ROBO2: variants seen among roughly 807,000 people sequenced by gnomAD.
ROBO2 encodes the protein roundabout homolog 2.
A neutral mutation model predicts 160.8 loss-of-function variants in ROBO2; 53 were observed. That is an observed-to-expected ratio of 0.33 (90% CI 0.26 to 0.41). ROBO2 has a LOEUF of 0.41. ROBO2 is among the 10% of genes least tolerant of loss of function. ROBO2 has a pLI of 1.00. For synonymous variants in ROBO2, 664 were observed against 611.7 expected (o/e 1.09, Z -1.26); for missense variants, 1,577 against 1,722.4 (o/e 0.92, Z 1.49).
At chr3:77,583,486 TAC>T (rs1022954718) in intron 16 of ROBO2, among the ~76,000 whole-genome samples, 9 of 152,084 alleles carry the variant, frequency 5.9e-5, no homozygotes, top group African/African-American at 2.2e-4. Context: ...TTTCATATAT[TAC>T]ACTTTCCTGT....
chr3:76,566,230 A>C (rs2084510449), intron 2 of ROBO2, among the ~76,000 whole-genome samples: 1 of 152,200 alleles, frequency 6.6e-6, no homozygotes, highest in African/African-American at 2.4e-5. Flanking sequence ...GCTCAAGAAT[A>C]ATCATGTCTG....
chr3:77,084,721 C>T (rs979117315), intron 1 of ROBO2, among the ~76,000 whole-genome samples: 16 of 151,986 alleles, frequency 1.1e-4, no homozygotes, highest in Middle Eastern at 3.2e-3. Flanking sequence ...AACATTATTC[C>T]ATAACTTTTC....
intron 21 of ROBO2, among the ~76,000 whole-genome samples, chr3:77,615,421 T>G (rs2094750233): frequency 6.6e-6 from 1 of 152,204 alleles, no homozygotes; most frequent in Non-Finnish European, 1.5e-5. Context: ...ACAAATGTAA[T>G]ACATGTATCC....
chr3:76,937,341 G>A (rs1027031045), intron 2 of ROBO2, among the ~76,000 whole-genome samples: 1 of 124,336 alleles, frequency 8.0e-6, no homozygotes, highest in Non-Finnish European at 1.8e-5. Flanking sequence ...TAACTTCCAG[G>A]GTTTTTGTTT....
chr3:76,346,619 C>T (rs2074548130), intron 2 of ROBO2, among the ~76,000 whole-genome samples: 1 of 152,130 alleles, frequency 6.6e-6, no homozygotes, highest in Admixed American at 6.5e-5. Context: ...TCCAGAGCCA[C>T]TAGATGACTT....
At chr3:76,954,874 T>G (rs2079155385) in intron 2 of ROBO2, among the ~76,000 whole-genome samples, 1 of 152,188 alleles carries the variant, frequency 6.6e-6, no homozygotes, top group Admixed American at 6.5e-5. Context: ...AAATTATATA[T>G]AGAACATCCT....
intron 2 of ROBO2, among the ~76,000 whole-genome samples, chr3:76,128,186 A>C (rs566125601): frequency 2.0e-4 from 30 of 151,990 alleles, no homozygotes; most frequent in African/African-American, 7.0e-4. Flanking sequence ...GAGCCACCGC[A>C]CCCCACCTGA....
At chr3:76,795,977 C>T (rs2063665795) in intron 2 of ROBO2, among the ~76,000 whole-genome samples, 1 of 152,088 alleles carries the variant, frequency 6.6e-6, no homozygotes, top group South Asian at 2.1e-4. Flanking sequence ...ACATCTCCAT[C>T]AGAACTCTTG....
intron 2 of ROBO2, among the ~76,000 whole-genome samples, chr3:76,965,984 G>A (rs1472410423): frequency 2.1e-5 from 3 of 144,912 alleles, no homozygotes; most frequent in African/African-American, 5.1e-5. Context: ...GTGCAATGGC[G>A]CGATCTTGGC....
chr3:76,477,511 A>C lies in ROBO2; in HGVS notation c.109+539909A>C, dbSNP rs937891472. Reference sequence around the variant, plus strand: ...AAATGTTGTATATGAAACCATAGGGAATGATCAAATTAATATTTCTGTCAT... The same window carrying C: ...AAATGTTGTATATGAAACCATAGGGCATGATCAAATTAATATTTCTGTCAT... On this transcript the variant is annotated intron_variant, in intron 2 of 26. Transcript: ENST00000487694. Among the ~76,000 whole-genome samples the C allele has an allele frequency of 3.3e-5, 5 of 152,138 alleles. No individual in the cohort carries two copies. In the South Asian group the frequency reaches 1.0e-3, roughly 32 times the overall value.
intron 2 of ROBO2, among the ~76,000 whole-genome samples, chr3:76,275,926 G>A (rs563245654): frequency 9.1e-4 from 138 of 152,064 alleles, no homozygotes; most frequent in African/African-American, 3.2e-3. Flanking sequence ...ACTCGGAGGG[G>A]GGGAGCACTT....
intron 2 of ROBO2, among the ~76,000 whole-genome samples, chr3:77,227,166 C>T (rs2151250515): frequency 6.6e-6 from 1 of 152,012 alleles, no homozygotes; most frequent in South Asian, 2.1e-4. Flanking sequence ...GGTACCTTTT[C>T]TTAGTAGTTA....
At chr3:76,759,654 T>C (rs2061187884) in intron 2 of ROBO2, among the ~76,000 whole-genome samples, 1 of 151,804 alleles carries the variant, frequency 6.6e-6, no homozygotes, top group Non-Finnish European at 1.5e-5. Flanking sequence ...CAGAAATGTC[T>C]GTCTCCTCGG....
At chr3:77,534,601 C>T (rs928257548) in intron 6 of ROBO2, among the ~76,000 whole-genome samples, 3 of 152,136 alleles carry the variant, frequency 2.0e-5, no homozygotes, top group Non-Finnish European at 2.9e-5. Context: ...TGAATTGCTA[C>T]ACTATTTGCT....
chr3:77,227,135 C>CT (rs201853735), intron 2 of ROBO2, among the ~76,000 whole-genome samples: 2,045 of 151,784 alleles, frequency 0.013, 66 homozygotes, highest in African/African-American at 0.046. Flanking sequence ...CTCTGATTTT[C>CT]TTTTTTTTGT....
intron 2 of ROBO2, among the ~76,000 whole-genome samples, chr3:77,335,379 C>A (rs1402898378): frequency 6.6e-6 from 1 of 152,096 alleles, no homozygotes; most frequent in Non-Finnish European, 1.5e-5. Context: ...CGCACTCCAG[C>A]CTGGGTGACA....
intron 2 of ROBO2, among the ~76,000 whole-genome samples, chr3:76,653,059 G>A (rs1364174899): frequency 6.6e-6 from 1 of 151,932 alleles, no homozygotes; most frequent in Non-Finnish European, 1.5e-5. Context: ...TGATTCTAAT[G>A]ACACCATTTT....
chr3:76,647,072 A>T (rs553177062), intron 2 of ROBO2, among the ~76,000 whole-genome samples: 1 of 152,274 alleles, frequency 6.6e-6, no homozygotes, highest in Non-Finnish European at 1.5e-5. Context: ...GGAGGGCCCT[A>T]TGACGCAGAG....
chr3:76,798,346 A>G (rs1576684084), intron 2 of ROBO2, among the ~76,000 whole-genome samples: 1 of 151,858 alleles, frequency 6.6e-6, no homozygotes, highest in East Asian at 1.9e-4. Flanking sequence ...GCCAATATTT[A>G]TGTTGAGCAT....
Sources: gnomAD v4.1 joint callset for allele counts (sites outside exome capture counted in the v4.1 genomes callset) on GRCh38, gnomAD v4.1.1 for gene constraint, MANE v1.5 for transcripts, NCBI Gene and HGNC (gene_info 2026-07-23, HGNC 2026-07-21) for gene names.